Variants in UGT1A8 observed in about 807,000 individuals in gnomAD.
UGT1A8 encodes the protein UDP-glucuronosyltransferase 1A8.
UGT1A8 carries 39 observed loss-of-function variants against 45.3 expected under a neutral mutation model. The ratio of observed to expected loss-of-function variants is 0.86; its 90% CI spans 0.67 to 1.12. The LOEUF (loss-of-function observed/expected upper bound fraction) is 1.12. Among genes scored for constraint, UGT1A8 ranks in the 50% most tolerant of loss-of-function variants. The pLI, the probability that UGT1A8 is intolerant of heterozygous loss-of-function variation, is 0.00. For missense variants in UGT1A8, 719 were observed against 664.9 expected (o/e 1.08, Z -0.90); for synonymous variants, 275 against 249.2 (o/e 1.10, Z -0.97).
intron 1 of UGT1A8, chr2:233,691,268 C>A: frequency 3.0e-6 from 3 of 985,530 alleles, no homozygotes; most frequent in Non-Finnish European, 3.6e-6. Flanking sequence ...ATGCTGCCGC[C>A]CCCATGACTT....
chr2:233,742,425 T>G (rs62191917), intron 1 of UGT1A8, among the ~76,000 whole-genome samples: 10,459 of 152,056 alleles, frequency 0.069, 566 homozygotes, highest in East Asian at 0.2. Context: ...CTTAAGCGGT[T>G]TTCCTCCCTG....
intron 1 of UGT1A8, chr2:233,692,823 T>C: frequency 7.0e-7 from 1 of 1,433,698 alleles, no homozygotes; most frequent in South Asian, 1.5e-5. Context: ...ATATTAACCA[T>C]GTGATTAAAA....
At chr2:233,708,113 A>G (rs956994077) in intron 1 of UGT1A8, among the ~76,000 whole-genome samples, 2 of 152,226 alleles carry the variant, frequency 1.3e-5, no homozygotes, top group African/African-American at 4.8e-5. Context: ...ACATCTTAGT[A>G]TATGACTCAC....
chr2:233,666,688 G>C lies in UGT1A8; in HGVS notation c.855+48126G>C, dbSNP rs138341781. ...TTGTACTTTAAGTTTTAGAGTACAT[G>C]TGCACAATGTGCAGGTTAGTTACAT... On this transcript the variant is annotated intron_variant, in intron 1 of 4. Coordinates refer to ENST00000373450, the MANE Select transcript of UGT1A8 (RefSeq NM_019076.5). 2.5e-3 allele frequency among the ~76,000 whole-genome samples: 384 copies of C among 151,766 alleles called. 9 individuals are homozygous for C. The East Asian group carries it at 0.056, about 22-fold the overall frequency.
At chr2:233,676,290 G>C (rs1297476312) in intron 1 of UGT1A8, among the ~76,000 whole-genome samples, 2 of 152,124 alleles carry the variant, frequency 1.3e-5, no homozygotes, top group Admixed American at 6.5e-5. Flanking sequence ...CAGGGGTCCT[G>C]CAAATATTTT....
At chr2:233,747,723 T>C in intron 1 of UGT1A8, 1 of 1,612,498 alleles carries the variant, frequency 6.2e-7, no homozygotes, top group Non-Finnish European at 8.5e-7. Flanking sequence ...TCCTGCTGTG[T>C]TTTTTTTGAG....
chr2:233,755,205 G>A, intron 1 of UGT1A8: 1 of 1,079,938 alleles, frequency 9.3e-7, no homozygotes, highest in Non-Finnish European at 1.3e-6. Flanking sequence ...CTTGCGGTAC[G>A]CCTTCTTGAT....
intron 1 of UGT1A8, chr2:233,713,190 A>G: frequency 6.2e-7 from 1 of 1,614,244 alleles, no homozygotes; most frequent in Non-Finnish European, 8.5e-7. Flanking sequence ...GGAGGTGAAT[A>G]TGTACATCAA....
At chr2:233,635,421 C>G (rs998054644) in intron 1 of UGT1A8, among the ~76,000 whole-genome samples, 1 of 150,528 alleles carries the variant, frequency 6.6e-6, no homozygotes, top group Non-Finnish European at 1.5e-5. Context: ...AAAAATTATA[C>G]TTTAAGAGAT....
intron 1 of UGT1A8, chr2:233,672,579 G>A: frequency 6.2e-7 from 1 of 1,613,876 alleles, no homozygotes; most frequent in South Asian, 1.1e-5. Flanking sequence ...TGCACTTGGA[G>A]GAACATTTAT....
intron 1 of UGT1A8, among the ~76,000 whole-genome samples, chr2:233,758,813 G>T (rs1033516774): frequency 6.6e-6 from 1 of 152,176 alleles, no homozygotes; most frequent in Non-Finnish European, 1.5e-5. Context: ...TAGTACAGCA[G>T]TATATCCCCC....
chr2:233,635,856 G>C (rs960784854), intron 1 of UGT1A8, among the ~76,000 whole-genome samples: 6 of 151,034 alleles, frequency 4.0e-5, no homozygotes, highest in Non-Finnish European at 2.9e-5. Context: ...TGCATGCAAC[G>C]TATCTGAGGA....
intron 1 of UGT1A8, among the ~76,000 whole-genome samples, chr2:233,751,222 C>A (rs1694670649): frequency 6.6e-6 from 1 of 151,992 alleles, no homozygotes; most frequent in African/African-American, 2.4e-5. Context: ...GATTTAATGA[C>A]TGCCCTGCCT....
At chr2:233,650,913 A>G (rs2073722407) in intron 1 of UGT1A8, among the ~76,000 whole-genome samples, 1 of 152,172 alleles carries the variant, frequency 6.6e-6, no homozygotes, top group Middle Eastern at 3.2e-3. Context: ...TTAGCAATGG[A>G]CCATGCAATT....
chr2:233,672,763 T>G (rs775497112), intron 1 of UGT1A8: 10 of 1,613,880 alleles, frequency 6.2e-6, no homozygotes, highest in Middle Eastern at 1.7e-4. Flanking sequence ...TGGTATCAAC[T>G]GCCATCAGGG....
chr2:233,677,055 T>TA (rs1479712417), intron 1 of UGT1A8, among the ~76,000 whole-genome samples: 2 of 152,334 alleles, frequency 1.3e-5, no homozygotes, highest in South Asian at 4.1e-4. Flanking sequence ...ATATGCATTT[T>TA]AAAATAAGTT....
intron 1 of UGT1A8, among the ~76,000 whole-genome samples, chr2:233,689,612 G>A (rs972552231): frequency 3.9e-5 from 6 of 152,172 alleles, no homozygotes; most frequent in African/African-American, 4.8e-5. Flanking sequence ...TTTAAAATTC[G>A]GGGTTAGCAG....
At chr2:233,717,518 T>A (rs2076583469) in intron 1 of UGT1A8, among the ~76,000 whole-genome samples, 1 of 152,220 alleles carries the variant, frequency 6.6e-6, no homozygotes, top group Non-Finnish European at 1.5e-5. Context: ...TGGGAGTAAC[T>A]TCCTCCATAA....
intron 1 of UGT1A8, chr2:233,719,173 A>C: frequency 1.9e-6 from 3 of 1,614,262 alleles, no homozygotes; most frequent in Non-Finnish European, 2.5e-6. Flanking sequence ...GCAATTATGA[A>C]CAATGTATCT....
Sources: allele counts gnomAD v4.1 joint callset (sites outside exome capture counted in the v4.1 genomes callset), GRCh38; gene constraint gnomAD v4.1.1; transcripts MANE v1.5; gene names NCBI Gene and HGNC (gene_info 2026-07-23, HGNC 2026-07-21).